The following RPTOR variants were observed in gnomAD, a reference collection of about 807,000 sequenced individuals.
RPTOR encodes the protein regulatory associated protein of MTOR complex 1.
Under a neutral mutation model 169.9 loss-of-function variants are expected in RPTOR, and 21 were observed. That is an observed-to-expected ratio of 0.12 (90% CI 0.09 to 0.18). The LOEUF is 0.18. RPTOR is among the 10% of genes least tolerant of loss of function. The pLI, the probability that RPTOR is intolerant of heterozygous loss-of-function variation, is 1.00. For missense variants in RPTOR, 1,133 were observed against 1,855.9 expected (o/e 0.61, Z 7.16); for synonymous variants, 732 against 753.2 (o/e 0.97, Z 0.46).
chr17:80,592,768 G>C (rs550425203), intron 1 of RPTOR, among the ~76,000 whole-genome samples: 1 of 152,176 alleles, frequency 6.6e-6, no homozygotes, highest in Admixed American at 6.5e-5. Flanking sequence ...ATTTAGTGTA[G>C]TTCAGTTCTC....
At chr17:80,596,979 G>T (rs550686581) in intron 1 of RPTOR, among the ~76,000 whole-genome samples, 33 of 152,226 alleles carry the variant, frequency 2.2e-4, no homozygotes, top group Non-Finnish European at 3.1e-4. Context: ...TCGTTCAGCA[G>T]GTGTTGATTG....
At chr17:80,846,128 G>A (rs182806540) in intron 10 of RPTOR, among the ~76,000 whole-genome samples, 105 of 152,288 alleles carry the variant, frequency 6.9e-4, no homozygotes, top group Non-Finnish European at 1.9e-4. Context: ...CCCTGCCCCC[G>A]GCATCTTCAC....
At chr17:80,711,696 A>T (rs2066192003) in intron 4 of RPTOR, among the ~76,000 whole-genome samples, 1 of 145,760 alleles carries the variant, frequency 6.9e-6, no homozygotes, top group Non-Finnish European at 1.5e-5. Context: ...TTTAAAATTT[A>T]AAAATTTTGT....
intron 1 of RPTOR, among the ~76,000 whole-genome samples, chr17:80,546,013 A>G (rs768056012): frequency 9.2e-5 from 14 of 152,150 alleles, no homozygotes; most frequent in Non-Finnish European, 1.8e-4. Context: ...ATTCAATTCC[A>G]ACTAAGTTCT....
At chr17:80,938,815 G>T (rs1458871925) in intron 24 of RPTOR, among the ~76,000 whole-genome samples, 1 of 152,208 alleles carries the variant, frequency 6.6e-6, no homozygotes, top group Non-Finnish European at 1.5e-5. Flanking sequence ...TTTGGGGCTT[G>T]CCTGTTTCTG....
intron 24 of RPTOR, among the ~76,000 whole-genome samples, chr17:80,934,114 C>T (rs2068928611): frequency 1.3e-5 from 2 of 151,298 alleles, no homozygotes; most frequent in Non-Finnish European, 2.9e-5. Context: ...AAAGAGATAA[C>T]CTGAATAGTT....
chr17:80,787,589 A>G (rs11150746), intron 6 of RPTOR, among the ~76,000 whole-genome samples: 46,765 of 152,142 alleles, frequency 0.31, 7,511 homozygotes, highest in Non-Finnish European at 0.35. Context: ...TTAAGGGATC[A>G]TGGTAAGGTG....
chr17:80,864,306 G>C (rs922664383), intron 13 of RPTOR, among the ~76,000 whole-genome samples: 6 of 133,230 alleles, frequency 4.5e-5, no homozygotes, highest in Non-Finnish European at 8.3e-5. Context: ...ATTTCCTACA[G>C]ATGGAAAAGG....
intron 1 of RPTOR, among the ~76,000 whole-genome samples, chr17:80,601,555 C>CTTCTTTT (rs1555594158): frequency 0.013 from 229 of 17,996 alleles, 80 homozygotes; most frequent in African/African-American, 0.077. Context: ...ATGGTTCAGT[C>CTTCTTTT]TTTTTTTTTT....
At chr17:80,574,310 G>A (rs1325167175) in intron 1 of RPTOR, among the ~76,000 whole-genome samples, 1 of 150,702 alleles carries the variant, frequency 6.6e-6, no homozygotes, top group African/African-American at 2.4e-5. Context: ...GACTACAGGC[G>A]CCCGCCACCG....
chr17:80,606,780 G>GCCAT (rs138907285), intron 1 of RPTOR, among the ~76,000 whole-genome samples: 12,776 of 151,604 alleles, frequency 0.084, 642 homozygotes, highest in East Asian at 0.23. Context: ...CTTCCGTCTG[G>GCCAT]CCATCCATCC....
At chr17:80,621,490 A>G (rs944516100) in intron 1 of RPTOR, among the ~76,000 whole-genome samples, 3 of 152,268 alleles carry the variant, frequency 2.0e-5, no homozygotes, top group African/African-American at 7.2e-5. Context: ...CCGCCTCCCC[A>G]GCCCCGAGAC....
intron 1 of RPTOR, among the ~76,000 whole-genome samples, chr17:80,591,723 G>A (rs1331015264): frequency 6.6e-6 from 1 of 152,178 alleles, no homozygotes; most frequent in Non-Finnish European, 1.5e-5. Context: ...GGGGATGATA[G>A]TGAAAATGTT....
intron 3 of RPTOR, among the ~76,000 whole-genome samples, chr17:80,700,784 ATGGTGG>A (rs202174182): frequency 1.5e-4 from 3 of 19,622 alleles, no homozygotes; most frequent in Non-Finnish European, 1.9e-4. Context: ...AGAGATGATG[ATGGTGG>A]TGGTGGTGAT....
intron 3 of RPTOR, among the ~76,000 whole-genome samples, chr17:80,674,811 A>ACG (rs1567851414): frequency 7.3e-6 from 1 of 137,140 alleles, no homozygotes; most frequent in South Asian, 2.1e-4. Context: ...AAAAAAAAAA[A>ACG]AAAAAAAAAA....
intron 7 of RPTOR, among the ~76,000 whole-genome samples, chr17:80,795,792 G>A (rs1480512967): frequency 2.0e-5 from 3 of 152,072 alleles, no homozygotes; most frequent in Non-Finnish European, 4.4e-5. Flanking sequence ...ACACCACTCG[G>A]CTCTCATCGG....
intron 6 of RPTOR, among the ~76,000 whole-genome samples, chr17:80,789,814 G>A (rs2067029267): frequency 6.6e-6 from 1 of 152,124 alleles, no homozygotes; most frequent in African/African-American, 2.4e-5. Context: ...GCCTGCATTT[G>A]TTTGTTGTTC....
At position 80,965,547 on chromosome 17, in the gene RPTOR, C is replaced by G. The variant is rs1045594; in HGVS notation, c.*1217C>G. 1 of 233,228 alleles carries G rather than the reference C, an allele frequency of 4.3e-6. No homozygotes were observed. Among genetic ancestry groups the G allele is most frequent in the Admixed American group, 5.6e-5 (1 of 17,784 alleles). The allele number at this position is 233,228 out of a possible 1,614,324, so 14.4% of individuals were successfully genotyped here. ...TTTTGAAAAGTGTTCTTTCCGTGTT[C>G]GTCGGGAATCAGGATTATTGAGAGG... is the stretch of plus-strand genomic sequence containing the variant. On this transcript the variant is annotated 3_prime_UTR_variant, in exon 34 of 34. Transcript: ENST00000306801.
At chr17:80,551,889 T>A (rs11653338) in intron 1 of RPTOR, among the ~76,000 whole-genome samples, 1 of 150,500 alleles carries the variant, frequency 6.6e-6, no homozygotes, top group Admixed American at 6.6e-5. Flanking sequence ...TCCGCAGTGT[T>A]TGTGTCCCTG....
Sources: allele counts gnomAD v4.1 joint callset (sites outside exome capture counted in the v4.1 genomes callset), GRCh38; gene constraint gnomAD v4.1.1; transcripts MANE v1.5; gene names NCBI Gene and HGNC (gene_info 2026-07-23, HGNC 2026-07-21).